KLHDC1: variants seen among roughly 807,000 people sequenced by gnomAD.
The protein encoded by KLHDC1 is kelch domain containing 1.
A neutral mutation model predicts 68.3 loss-of-function variants in KLHDC1; 53 were observed. That is an observed-to-expected ratio of 0.78 (90% CI 0.62 to 0.98). The LOEUF (loss-of-function observed/expected upper bound fraction) is 0.98, where lower values mean the gene tolerates loss of function less well. Among genes scored for constraint, KLHDC1 ranks in the 50% least tolerant of loss-of-function variants. The pLI is 0.00. For missense variants in KLHDC1, 470 were observed against 492.3 expected (o/e 0.95, Z 0.43); for synonymous variants, 148 against 159.0 (o/e 0.93, Z 0.52).
chr14:49,743,946 T>A, intron 12 of KLHDC1, 141 bp downstream of exon 12: 4 of 572,130 alleles, frequency 7.0e-6, no homozygotes, highest in Non-Finnish European at 6.3e-6. Context: ...AAGAGTATAA[T>A]CAAATTTATA....
At chr14:49,721,339 T>C (rs1421864949) in intron 4 of KLHDC1, among the ~76,000 whole-genome samples, 3 of 151,922 alleles carry the variant, frequency 2.0e-5, no homozygotes, top group African/African-American at 7.2e-5. Context: ...CACCTTTCTT[T>C]CCTTTTTTTT....
chr14:49,713,835 TA>T (rs1566602946), intron 4 of KLHDC1, among the ~76,000 whole-genome samples: 473 of 9,880 alleles, frequency 0.048, 88 homozygotes, highest in Non-Finnish European at 0.069. Flanking sequence ...TATATATATA[TA>T]TATATATATA....
At chr14:49,727,375 A>G in intron 6 of KLHDC1, among the ~76,000 whole-genome samples, 1 of 152,184 alleles carries the variant, frequency 6.6e-6, no homozygotes, top group South Asian at 2.1e-4. Flanking sequence ...GTTCATTGCT[A>G]GGAACAGGAG....
Position 49,751,772 on chromosome 14 carries a change from A to T in KLHDC1, c.1221A>T (p.Ter407TyrextTer31). The change falls in exon 13 of 13, where the codon TAA (stop) becomes TAT (tyrosine). Residue 407 changes from the stop codon to tyrosine, a stop_lost. Transcript: ENST00000359332. Reference sequence around the variant, plus strand: ...AATATCAGTGGATCAGTAGCAATTAAATTGTTATATACTTTACATATTTAG... The same window carrying T: ...AATATCAGTGGATCAGTAGCAATTATATTGTTATATACTTTACATATTTAG... The part of the protein sequence containing the change: ...ENKYQWISSN[*>Y] 6.7e-7 allele frequency: 1 copy of T among 1,500,972 alleles called. No homozygotes were observed. Among genetic ancestry groups the T allele is most frequent in the South Asian group, 1.2e-5 (1 of 84,292 alleles). 93.0% of individuals were successfully genotyped at this position (1,500,972 alleles called of 1,614,324 possible).
intron 4 of KLHDC1, among the ~76,000 whole-genome samples, chr14:49,719,344 T>C (rs1025217819): frequency 6.6e-6 from 1 of 151,930 alleles, no homozygotes; most frequent in African/African-American, 2.4e-5. Flanking sequence ...ATTTCCGTTA[T>C]GATTTCTTTG....
chr14:49,710,523 G>A (rs1191841421), intron 4 of KLHDC1, 142 bp downstream of exon 4: 19 of 548,986 alleles, frequency 3.5e-5, no homozygotes, highest in Admixed American at 1.2e-4. Context: ...GACAATGCCC[G>A]TTTTATTTCT....
In KLHDC1 at chr14:49,713,850, A is replaced by ATTTTTTTTT. The variant is rs869250721; in HGVS notation, c.404+3478_404+3486dup. ...TATATATATATATATATATATATAT[A>ATTTTTTTTT]TTTTTTTTTTTTTTTTTCCTGAGAC... is the stretch of plus-strand genomic sequence containing the variant. On this transcript the variant is annotated intron_variant, in intron 4 of 12. Transcript: ENST00000359332. Among the ~76,000 whole-genome samples, 20 of 50,218 alleles carry ATTTTTTTTT rather than the reference A, an allele frequency of 4.0e-4. 1 individual carries two copies. Among genetic ancestry groups the ATTTTTTTTT allele is most frequent in the Non-Finnish European group, 5.2e-4 (16 of 30,766 alleles). 32.9% of individuals were successfully genotyped at this position (50,218 alleles called of 152,430 possible). A position where few individuals can be genotyped will look rare whatever the true frequency, so the allele number is the denominator to read the frequency against.
At chr14:49,728,751 T>C (rs902588522) in intron 6 of KLHDC1, among the ~76,000 whole-genome samples, 175 bp from the exon 7 acceptor site, 1 of 152,234 alleles carries the variant, frequency 6.6e-6, no homozygotes, top group African/African-American at 2.4e-5. Flanking sequence ...TTCTGACAAA[T>C]AGTATTTGTC....
chr14:49,722,090 G>T (rs1287489214), intron 4 of KLHDC1, among the ~76,000 whole-genome samples: 2 of 152,190 alleles, frequency 1.3e-5, no homozygotes, highest in Non-Finnish European at 2.9e-5. Context: ...AAGAGTTAAG[G>T]AGTAGGTTAA....
At chr14:49,719,209 T>C (rs930607715) in intron 4 of KLHDC1, among the ~76,000 whole-genome samples, 3 of 152,146 alleles carry the variant, frequency 2.0e-5, no homozygotes, top group Admixed American at 6.6e-5. Context: ...AGTTATGTTA[T>C]GGATTTGAGA....
In KLHDC1 at chr14:49,732,831, G is replaced by A. The variant is rs1289482115; in HGVS notation, c.823+15G>A. On this transcript the variant is annotated intron_variant, in intron 9 of 12. Transcript: ENST00000359332. The stretch of plus-strand genomic sequence containing the variant: ...TATCCCATTAAGTAAGTTGATTAAG[G>A]TTTAGCCTATAATTATTATCTCATT... The A allele has an allele frequency of 8.6e-7, 1 of 1,166,766 alleles. No homozygotes were observed. Among genetic ancestry groups the A allele is most frequent in the Non-Finnish European group, 1.3e-6 (1 of 782,146 alleles). 72.3% of individuals were successfully genotyped at this position (1,166,766 alleles called of 1,614,324 possible). A position where few individuals can be genotyped will look rare whatever the true frequency, so the allele number is the denominator to read the frequency against.
chr14:49,740,574 C>T (rs906258842), intron 11 of KLHDC1, among the ~76,000 whole-genome samples: 2 of 152,036 alleles, frequency 1.3e-5, no homozygotes, highest in African/African-American at 4.8e-5. Flanking sequence ...CTCCTGACCT[C>T]GTGATCCGCC....
chr14:49,711,614 A>G (rs1267836109), intron 4 of KLHDC1, among the ~76,000 whole-genome samples: 2 of 152,172 alleles, frequency 1.3e-5, no homozygotes, highest in Non-Finnish European at 1.5e-5. Flanking sequence ...CTGGGATTAC[A>G]TGTGTGAGCC....
At chr14:49,710,405 G>A (rs1223616416) in intron 4 of KLHDC1, 24 bp downstream of exon 4, 1 of 1,164,846 alleles carries the variant, frequency 8.6e-7, no homozygotes, top group African/African-American at 1.5e-5. Context: ...TGCACTTAAT[G>A]CATTATGTCT....
intron 1 of KLHDC1, among the ~76,000 whole-genome samples, chr14:49,702,955 T>G (rs573324977): frequency 6.6e-6 from 1 of 152,304 alleles, no homozygotes; most frequent in African/African-American, 2.4e-5. Context: ...CTTGGCATGG[T>G]TTCACACCTC....
chr14:49,713,834 ATATATATATATATATAT>A (rs1566602934), intron 4 of KLHDC1, among the ~76,000 whole-genome samples: 2 of 2,322 alleles, frequency 8.6e-4, no homozygotes, highest in Admixed American at 6.8e-3. Context: ...ATATATATAT[ATATATATATATATATAT>A]TTTTTTTTTT....
Position 49,736,654 on chromosome 14 carries a change from C to G in KLHDC1, c.896+1993C>G, listed in dbSNP as rs74694267. 6.8e-4 allele frequency among the ~76,000 whole-genome samples: 104 copies of G among 152,264 alleles called. 1 individual carries two copies. In the East Asian group the frequency reaches 0.02, roughly 29 times the overall value. On this transcript the variant is annotated intron_variant, in intron 10 of 12. Transcript: ENST00000359332. The stretch of plus-strand genomic sequence containing the variant: ...TTTGAAATGTAAGCTGCCCAATTCT[C>G]CTCTTAGAACTCTACAGCTAGGTTT...
At chr14:49,693,332 A>T (rs763253524) in intron 1 of KLHDC1, 42 bp downstream of exon 1, 16 of 1,315,962 alleles carry the variant, frequency 1.2e-5, no homozygotes, top group African/African-American at 1.5e-5. Context: ...GCGCCGGGAG[A>T]CCCTCGGCCT....
chr14:49,730,995 A>G (rs1488893607), intron 8 of KLHDC1, among the ~76,000 whole-genome samples: 1 of 147,400 alleles, frequency 6.8e-6, no homozygotes, highest in Non-Finnish European at 1.5e-5. Context: ...TAAAAATAAA[A>G]CCAGGCAGGT....
Sources: gnomAD v4.1 joint callset for allele counts (sites outside exome capture counted in the v4.1 genomes callset) on GRCh38, gnomAD v4.1.1 for gene constraint, MANE v1.5 for transcripts, NCBI Gene and HGNC (gene_info 2026-07-23, HGNC 2026-07-21) for gene names.